BAIAP2L2: variants seen among roughly 807,000 people sequenced by gnomAD.
BAIAP2L2 encodes BAR/IMD domain containing adaptor protein 2 like 2, also known as BAR/IMD domain-containing adapter protein 2-like 2.
BAIAP2L2 carries 65 observed loss-of-function variants against 60.4 expected under a neutral mutation model. The observed-to-expected ratio is 1.08, with a 90% CI of 0.88 to 1.32. The LOEUF is 1.32. Among genes scored for constraint, BAIAP2L2 ranks in the 40% most tolerant of loss-of-function variants. The pLI is 0.00. For synonymous variants in BAIAP2L2, 344 were observed against 301.7 expected (o/e 1.14, Z -1.45); for missense variants, 836 against 741.2 (o/e 1.13, Z -1.48).
Position 38,109,166 on chromosome 22 carries a change from A to G in BAIAP2L2, c.94T>C (p.Tyr32His). ...QFNPALENLV[Y>H]LGNNYLRAFH... ...GCACGCAGGTAGTTGTTGCCCAGGT[A>G]CACCAGGTTCTCCAGGGCGGGGTTA... Residue 32 changes from tyrosine to histidine, a missense_variant, in exon 2 of 14, where the codon TAC becomes CAC. Tyr to His is a moderately conservative substitution (Grantham distance 83, BLOSUM62 2). Transcript: ENST00000381669. 6.2e-7 allele frequency: 1 copy of G among 1,613,168 alleles called. No homozygotes were observed. The highest frequency in any genetic ancestry group is 8.5e-7 in the Non-Finnish European group (1 of 1,179,714).
At chr22:38,110,131 G>GAC (rs1179352248) in intron 1 of BAIAP2L2, among the ~76,000 whole-genome samples, 1 of 75,092 alleles carries the variant, frequency 1.3e-5, no homozygotes, top group South Asian at 4.6e-4. Context: ...GAGAGAGAGA[G>GAC]AGAGAGAGAG....
intron 7 of BAIAP2L2, among the ~76,000 whole-genome samples, chr22:38,091,826 A>T (rs998989666): frequency 6.6e-6 from 1 of 152,226 alleles, no homozygotes; most frequent in African/African-American, 2.4e-5. Flanking sequence ...CTACAAATTA[A>T]TAAGTGGATG....
intron 7 of BAIAP2L2, among the ~76,000 whole-genome samples, chr22:38,091,758 A>G (rs866835272): frequency 1.3e-5 from 2 of 152,326 alleles, no homozygotes; most frequent in African/African-American, 4.8e-5. Context: ...CAAACTGGCT[A>G]TTGTATTTGC....
chr22:38,087,415 A>T (rs2086127454), intron 10 of BAIAP2L2, 151 bp from the exon 11 acceptor site: 4 of 904,568 alleles, frequency 4.4e-6, no homozygotes, highest in Admixed American at 6.1e-5. Flanking sequence ...TTCTGTTTTC[A>T]CCTGCAAGTG....
At chr22:38,100,555 A>C (rs922317886) in intron 4 of BAIAP2L2, among the ~76,000 whole-genome samples, 5 of 150,762 alleles carry the variant, frequency 3.3e-5, no homozygotes, top group African/African-American at 1.2e-4. Flanking sequence ...TAAATAAATA[A>C]ATAAATAAAT....
chr22:38,087,455 TC>T (rs1325732693), intron 10 of BAIAP2L2, among the ~76,000 whole-genome samples, 191 bp from the exon 11 acceptor site: 39 of 152,204 alleles, frequency 2.6e-4, no homozygotes, highest in African/African-American at 9.4e-4. Context: ...GCTATCCTTT[TC>T]CCTAACAGGC....
At chr22:38,087,377 C>CTGTCAATTCG in intron 10 of BAIAP2L2, 113 bp from the exon 11 acceptor site, 7 of 1,241,994 alleles carry the variant, frequency 5.6e-6, no homozygotes, top group Non-Finnish European at 7.9e-6. Flanking sequence ...CTCGAATTGA[C>CTGTCAATTCG]AGACTACAAT....
chr22:38,087,376 A>ATTGTAGT, intron 10 of BAIAP2L2, 112 bp from the exon 11 acceptor site: 7 of 1,259,540 alleles, frequency 5.6e-6, no homozygotes, highest in Non-Finnish European at 7.8e-6. Flanking sequence ...CCTCGAATTG[A>ATTGTAGT]CAGACTACAA....
Position 38,098,173 on chromosome 22 carries a change from G to A in BAIAP2L2, c.355C>T (p.Arg119Cys). The change falls in exon 6 of 14, where the codon CGC becomes TGC. Residue 119 changes from arginine (R) to cysteine (C), a missense_variant. By Grantham distance (180) the Arg-to-Cys change is radical (BLOSUM62 -3). Coordinates refer to ENST00000381669, the MANE Select transcript of BAIAP2L2 (RefSeq NM_025045.6). ...CGGTACTCGAGCTCATAGTGCTGGC[G>A]GCTGTCCTGGGGTAGGGTGGAGTCG... ...KLDMQFIKDS[R>C]QHYELEYRHR... 1 of 1,614,046 alleles carries A rather than the reference G, an allele frequency of 6.2e-7. No individual in the cohort carries two copies. The highest frequency in any genetic ancestry group is 8.5e-7 in the Non-Finnish European group (1 of 1,180,016).
At chr22:38,110,259 G>A (rs1199772509) in intron 1 of BAIAP2L2, among the ~76,000 whole-genome samples, 2 of 151,212 alleles carry the variant, frequency 1.3e-5, no homozygotes, top group East Asian at 3.9e-4. Flanking sequence ...GCTCCCTCCT[G>A]CCTTGTCCAG....
chr22:38,105,946 C>G (rs2086657530), intron 4 of BAIAP2L2, among the ~76,000 whole-genome samples: 1 of 152,168 alleles, frequency 6.6e-6, no homozygotes. Context: ...TGGACCTGCC[C>G]AGTTATCACA....
rs373008506 is a variant in BAIAP2L2, at chr22:38,088,751, G to A, written c.1115C>T (p.Ser372Phe). 2 of 1,596,908 alleles carry A rather than the reference G, an allele frequency of 1.3e-6. No individual in the cohort carries two copies. Among genetic ancestry groups the A allele is most frequent in the African/African-American group, 1.3e-5 (1 of 74,626 alleles). ...GWLYGKLEGS[S>F]ASGWFPEAYV... Reference sequence around the variant, plus strand: ...CCCCTCCAAGGCTCCCACTCACGCGGACGAGCCCTCCAGCTTGCCGTAGAG... The same window carrying A: ...CCCCTCCAAGGCTCCCACTCACGCGAACGAGCCCTCCAGCTTGCCGTAGAG... Residue 372 changes from serine (S) to phenylalanine (F), a missense_variant, in exon 10 of 14, where the codon TCC (serine) becomes TTC (phenylalanine). Coordinates refer to ENST00000381669, the MANE Select transcript of BAIAP2L2 (RefSeq NM_025045.6).
rs1482231946 is a variant in BAIAP2L2 at position 38,089,614 on chromosome 22, TG to T, written c.672del (p.Ser225AlafsTer24). 8.1e-6 allele frequency: 10 copies of T among 1,234,030 alleles called. No homozygotes were observed. The highest frequency in any genetic ancestry group is 1.0e-5 in the Non-Finnish European group (10 of 990,204). The allele number at this position is 1,234,030 out of a possible 1,614,324, so 76.4% of individuals were successfully genotyped here. A position where few individuals can be genotyped will look rare whatever the true frequency, so the allele number is the denominator to read the frequency against. On this transcript the variant is annotated frameshift_variant, in exon 8 of 14. Transcript: ENST00000381669. LOFTEE classifies it high-confidence loss of function. ...LLWKEQSEAS[R>X]SPSRAHSPGL... Reference sequence around the variant, plus strand: ...CCGGGGGAGTGGGCGCGCGACGGGCTGCGGCTGGCCTCAGACTGCTCCTTCC... The same window carrying T: ...CCGGGGGAGTGGGCGCGCGACGGGCTCGGCTGGCCTCAGACTGCTCCTTCC...
At chr22:38,085,818 G>A in intron 12 of BAIAP2L2, 86 bp from the exon 13 acceptor site, 1 of 1,315,798 alleles carries the variant, frequency 7.6e-7, no homozygotes. Flanking sequence ...CCATGCCCAA[G>A]GGCAGAGGAC....
rs2086483001 is a variant in BAIAP2L2, at chr22:38,098,079, T to C, written c.449A>G (p.Asn150Ser). The C allele has an allele frequency of 4.4e-6, 7 of 1,600,266 alleles. No homozygotes were observed. In the South Asian group the frequency reaches 6.6e-5, roughly 15 times the overall value. ...LWRMERKRDK[N>S]VREMKESVNR... ...CCCTCGCACCTTCATCTCCCGCACG[T>C]TCTTGTCTCTCTTGCGCTCCATGCG... The change falls in exon 6 of 14, where the codon AAC becomes AGC. Residue 150 changes from asparagine (N) to serine (S), a missense_variant. Asn to Ser is a conservative substitution (Grantham distance 46). Transcript: ENST00000381669.
Position 38,086,762 on chromosome 22 carries a change from G to A in BAIAP2L2, c.1260-313C>T, listed in dbSNP as rs539410388. On this transcript the variant is annotated intron_variant, in intron 11 of 13. Transcript: ENST00000381669. ...TGTAATCCCAGCACTTTGGGAGACC[G>A]AGGTGGGTGGATCACCTGAGGTCAG... 4.5e-4 allele frequency among the ~76,000 whole-genome samples: 69 copies of A among 152,200 alleles called. 1 individual carries two copies. The South Asian group carries it at 0.013, about 28-fold the overall frequency.
rs763422301 is a variant in BAIAP2L2 at position 38,087,202 on chromosome 22, G to C, written c.1181C>G (p.Thr394Ser). 4.4e-6 allele frequency: 7 copies of C among 1,603,912 alleles called. No individual in the cohort carries two copies. The East Asian group carries it at 9.1e-5, about 21-fold the overall frequency. The change falls in exon 11 of 14, where the codon ACC (threonine) becomes AGC (serine). Residue 394 changes from threonine to serine, a missense_variant. Thr to Ser is a moderately conservative substitution (Grantham distance 58). Coordinates refer to ENST00000381669, the MANE Select transcript of BAIAP2L2 (RefSeq NM_025045.6). ...CATGGAGGTCATGGGGGTCACGGGG[G>C]TCATGGGATTCACGGGCCCCTCCTC... ...ALEEGPVNPM[T>S]PVTPMTSMTS...
intron 7 of BAIAP2L2, 30 bp downstream of exon 7, chr22:38,097,001 GC>G (rs760295249): frequency 9.1e-5 from 145 of 1,590,898 alleles, no homozygotes; most frequent in Non-Finnish European, 1.2e-4. Flanking sequence ...TCCTAGAAGC[GC>G]CCCGCTTGCT....
At chr22:38,107,265 C>T (rs555123570) in intron 4 of BAIAP2L2, among the ~76,000 whole-genome samples, 1 of 152,188 alleles carries the variant, frequency 6.6e-6, no homozygotes, top group Non-Finnish European at 1.5e-5. Flanking sequence ...GGGACAGCTG[C>T]TTCCCAACTG....
Sources: allele counts gnomAD v4.1 joint callset (sites outside exome capture counted in the v4.1 genomes callset), GRCh38; gene constraint gnomAD v4.1.1; transcripts MANE v1.5; gene names NCBI Gene and HGNC (gene_info 2026-07-23, HGNC 2026-07-21).